THADA: variants seen among roughly 807,000 people sequenced by gnomAD.
THADA encodes THADA armadillo repeat containing.
A neutral mutation model predicts 219.8 loss-of-function variants in THADA; 213 were observed. The observed-to-expected ratio is 0.97, with a 90% CI of 0.87 to 1.09. The LOEUF is 1.09. Among genes scored for constraint, THADA ranks in the 50% least tolerant of loss-of-function variants. The probability of loss-of-function intolerance (pLI) is 0.00; values close to 1 mark genes in which losing one functional copy is unlikely to be tolerated. For missense variants in THADA, 2,956 were observed against 2,311.3 expected, an observed-to-expected ratio of 1.28 and a Z score of -5.72; for synonymous variants, 1,018 against 828.9, an observed-to-expected ratio of 1.23 and a Z score of -3.92.
At chr2:43,296,403 G>A (rs991466294) in intron 31 of THADA, among the ~76,000 whole-genome samples, 4 of 152,056 alleles carry the variant, frequency 2.6e-5, no homozygotes, top group Non-Finnish European at 4.4e-5. Context: ...AGCCTCCAGA[G>A]TAGCTGGAAA....
intron 12 of THADA, among the ~76,000 whole-genome samples, chr2:43,572,360 A>G (rs1012535966): frequency 2.6e-5 from 4 of 152,184 alleles, no homozygotes; most frequent in Non-Finnish European, 5.9e-5. Flanking sequence ...AAAATGTCCA[A>G]AACACTCCAC....
chr2:43,303,960 C>T (rs992994127), intron 31 of THADA, among the ~76,000 whole-genome samples: 11 of 152,182 alleles, frequency 7.2e-5, no homozygotes, highest in Admixed American at 6.5e-5. Flanking sequence ...GGGCAGGGAC[C>T]GCACTTTCAA....
intron 36 of THADA, among the ~76,000 whole-genome samples, chr2:43,237,731 C>G (rs1428677242): frequency 6.6e-6 from 1 of 151,938 alleles, no homozygotes. Flanking sequence ...AGAAAACTCA[C>G]AGAAGAAAAC....
At chr2:43,587,287 A>G (rs542526167) in intron 4 of THADA, among the ~76,000 whole-genome samples, 1 of 152,216 alleles carries the variant, frequency 6.6e-6, no homozygotes, top group African/African-American at 2.4e-5. Context: ...AACCTCCAAC[A>G]ATATCCTTCT....
chr2:43,501,810 G>A (rs767956950), intron 24 of THADA, among the ~76,000 whole-genome samples: 1 of 152,102 alleles, frequency 6.6e-6, no homozygotes, highest in African/African-American at 2.4e-5. Flanking sequence ...TGGGAGTGGT[G>A]GCACATGCCT....
intron 9 of THADA, among the ~76,000 whole-genome samples, chr2:43,578,299 T>C (rs1484080560): frequency 6.7e-6 from 1 of 150,360 alleles, no homozygotes; most frequent in African/African-American, 2.5e-5. Context: ...TGCACCACCA[T>C]ACCCAGCAAA....
chr2:43,475,027 A>G (rs765213672), intron 26 of THADA, among the ~76,000 whole-genome samples: 5 of 152,204 alleles, frequency 3.3e-5, no homozygotes, highest in Non-Finnish European at 7.3e-5. Flanking sequence ...AGAAAGAGAG[A>G]TTGTTCAGGA....
At chr2:43,281,212 G>A (rs936987359) in intron 35 of THADA, among the ~76,000 whole-genome samples, 7 of 151,946 alleles carry the variant, frequency 4.6e-5, no homozygotes, top group African/African-American at 1.7e-4. Flanking sequence ...CTCCATTTGG[G>A]GTTTCGTTCT....
intron 24 of THADA, among the ~76,000 whole-genome samples, chr2:43,500,118 C>G (rs1341738709): frequency 6.6e-6 from 1 of 151,990 alleles, no homozygotes; most frequent in Non-Finnish European, 1.5e-5. Flanking sequence ...CCACTCCACT[C>G]AAGCCTGAGT....
chr2:43,270,654 G>A (rs1444927753), intron 36 of THADA, among the ~76,000 whole-genome samples: 1 of 152,094 alleles, frequency 6.6e-6, no homozygotes, highest in East Asian at 1.9e-4. Context: ...TGGGACGTTG[G>A]GCCCATTCCT....
Position 43,234,236 on chromosome 2 carries a change from C to T in THADA, c.5297-1354G>A, listed in dbSNP as rs79170518. ...TGCATGCAAAGCGCAGATTTGGAGA[C>T]CCAGCATCAACAATCCAGAGGTTTT... On this transcript the variant is annotated intron_variant, in intron 36 of 37. Transcript: ENST00000405975. Among the ~76,000 whole-genome samples the T allele has an allele frequency of 4.8e-3, 732 of 152,308 alleles. 12 individuals carry two copies. The highest frequency in any genetic ancestry group is 0.017 in the African/African-American group (688 of 41,546).
intron 26 of THADA, among the ~76,000 whole-genome samples, chr2:43,445,089 T>C (rs1390226728): frequency 6.6e-6 from 1 of 152,108 alleles, no homozygotes; most frequent in African/African-American, 2.4e-5. Context: ...TTCTGGCCTA[T>C]AAAACCACCC....
At chr2:43,390,949 C>T (rs955370035) in intron 29 of THADA, among the ~76,000 whole-genome samples, 2 of 152,220 alleles carry the variant, frequency 1.3e-5, no homozygotes, top group African/African-American at 4.8e-5. Flanking sequence ...AAGCAGTATA[C>T]TACAGTGGCT....
At chr2:43,334,262 G>A (rs925073298) in intron 30 of THADA, among the ~76,000 whole-genome samples, 6 of 152,072 alleles carry the variant, frequency 3.9e-5, no homozygotes, top group Non-Finnish European at 8.8e-5. Flanking sequence ...GTATGGATGA[G>A]GGGGATGGAG....
chr2:43,562,929 T>G (rs761661497), intron 15 of THADA: 4 of 152,250 alleles, frequency 2.6e-5, no homozygotes, highest in Admixed American at 6.5e-5. Flanking sequence ...CCTACTTTCA[T>G]TTCTGATTTT....
intron 28 of THADA, among the ~76,000 whole-genome samples, chr2:43,424,738 AAACT>A (rs1678195516): frequency 6.6e-6 from 1 of 152,166 alleles, no homozygotes; most frequent in Non-Finnish European, 1.5e-5. Context: ...ATGAAACCCC[AAACT>A]AACTAAATCT....
chr2:43,565,468 A>G (rs2103967072), intron 15 of THADA: 1 of 151,902 alleles, frequency 6.6e-6, no homozygotes, highest in East Asian at 1.9e-4. Context: ...TAGGTAGAGC[A>G]TAAATAGCTA....
intron 22 of THADA, among the ~76,000 whole-genome samples, chr2:43,524,253 C>T (rs1286213122): frequency 6.6e-6 from 1 of 152,198 alleles, no homozygotes; most frequent in Non-Finnish European, 1.5e-5. Context: ...GCTTTCAAAA[C>T]ATTCCCAGAA....
chr2:43,591,110 C>T (rs1464227807), intron 3 of THADA, among the ~76,000 whole-genome samples, 156 bp from the exon 4 acceptor site: 3 of 152,112 alleles, frequency 2.0e-5, no homozygotes, highest in Admixed American at 6.6e-5. Context: ...CGCTTGAGCC[C>T]AGGAGAGTTC....
Sources: gnomAD v4.1 joint callset for allele counts (sites outside exome capture counted in the v4.1 genomes callset) on GRCh38, gnomAD v4.1.1 for gene constraint, MANE v1.5 for transcripts, NCBI Gene and HGNC (gene_info 2026-07-23, HGNC 2026-07-21) for gene names.